STXBP5L: variants seen among roughly 807,000 people sequenced by gnomAD.
STXBP5L encodes the protein syntaxin-binding protein 5-like.
In STXBP5L, 65 loss-of-function variants were observed where a neutral mutation model predicts 144.5. The observed-to-expected ratio is 0.45, with a 90% CI of 0.37 to 0.55. The LOEUF (loss-of-function observed/expected upper bound fraction) is 0.55, where lower values mean the gene tolerates loss of function less well. STXBP5L is among the 20% of genes least tolerant of loss of function. STXBP5L has a pLI of 0.00. For synonymous variants in STXBP5L, 505 were observed against 469.6 expected (o/e 1.08, Z -0.97); for missense variants, 1,298 against 1,405.5 (o/e 0.92, Z 1.22).
chr3:121,018,288 G>A (rs770288830), intron 3 of STXBP5L, among the ~76,000 whole-genome samples: 10 of 152,164 alleles, frequency 6.6e-5, no homozygotes, highest in Non-Finnish European at 1.5e-4. Flanking sequence ...AAGGAGAGCA[G>A]TTGGGAGACT....
At chr3:121,128,343 TAAAG>T (rs2044812918) in intron 7 of STXBP5L, among the ~76,000 whole-genome samples, 1 of 152,004 alleles carries the variant, frequency 6.6e-6, no homozygotes, top group Non-Finnish European at 1.5e-5. Flanking sequence ...GGTATGGTAT[TAAAG>T]AAGGGATCAG....
intron 3 of STXBP5L, among the ~76,000 whole-genome samples, chr3:121,035,980 T>G (rs1946722455): frequency 6.6e-6 from 1 of 152,170 alleles, no homozygotes. Context: ...GGTGCTGTTT[T>G]AAATGAATTT....
chr3:120,980,014 A>C (rs904684912), intron 3 of STXBP5L, among the ~76,000 whole-genome samples: 1 of 152,070 alleles, frequency 6.6e-6, no homozygotes, highest in Non-Finnish European at 1.5e-5. Context: ...TTCAATTTCC[A>C]CATATTTGTA....
intron 5 of STXBP5L, among the ~76,000 whole-genome samples, chr3:121,106,696 A>G (rs924010879): frequency 2.6e-5 from 4 of 152,216 alleles, no homozygotes; most frequent in Non-Finnish European, 4.4e-5. Flanking sequence ...TAGTGCTGTA[A>G]TGAACATATG....
chr3:120,921,958 G>A (rs1709378859), intron 2 of STXBP5L, among the ~76,000 whole-genome samples: 1 of 151,756 alleles, frequency 6.6e-6, no homozygotes, highest in African/African-American at 2.4e-5. Context: ...ATCTTTTGTG[G>A]TTTCATATAA....
At chr3:121,185,264 G>A (rs1577145443) in intron 9 of STXBP5L, among the ~76,000 whole-genome samples, 2 of 152,184 alleles carry the variant, frequency 1.3e-5, no homozygotes, top group Admixed American at 1.3e-4. Context: ...TCACTCTGAT[G>A]GTAGTTTCTT....
At position 121,400,661 on chromosome 3, in the gene STXBP5L, C is replaced by A. The variant is rs1269566768; in HGVS notation, c.2588-6582C>A. Among the ~76,000 whole-genome samples the A allele has an allele frequency of 2.0e-5, 3 of 152,252 alleles. No homozygotes were observed. The East Asian group carries it at 5.8e-4, about 29-fold the overall frequency. On this transcript the variant is annotated intron_variant, in intron 22 of 26. Transcript: ENST00000471454. The stretch of plus-strand genomic sequence containing the variant: ...CCTGTGAAAGTCTGCAGTCATCTTG[C>A]AAGCATTCTCAAGCTGCAAGAGATA...
intron 19 of STXBP5L, among the ~76,000 whole-genome samples, chr3:121,315,788 G>A (rs2043764681): frequency 6.6e-6 from 1 of 151,994 alleles, no homozygotes; most frequent in African/African-American, 2.4e-5. Context: ...GATCACTTGA[G>A]GTCAGGAGTT....
At chr3:121,238,909 C>A in intron 12 of STXBP5L, 62 bp from the exon 13 acceptor site, 2 of 1,413,522 alleles carry the variant, frequency 1.4e-6, no homozygotes, top group South Asian at 3.0e-5. Context: ...CTTACTTTAT[C>A]AAAATTATTT....
intron 20 of STXBP5L, among the ~76,000 whole-genome samples, chr3:121,332,017 G>A (rs1338012496): frequency 6.7e-6 from 1 of 149,900 alleles, no homozygotes; most frequent in Non-Finnish European, 1.5e-5. Flanking sequence ...AGCGCCCAGA[G>A]CCAAATTAGG....
intron 18 of STXBP5L, among the ~76,000 whole-genome samples, chr3:121,264,999 A>C (rs370218908): frequency 6.6e-6 from 1 of 152,308 alleles, no homozygotes; most frequent in East Asian, 1.9e-4. Flanking sequence ...ACAGACAAAG[A>C]AACTCAGACT....
At chr3:121,014,607 CATT>C (rs140948414) in intron 3 of STXBP5L, among the ~76,000 whole-genome samples, 15,060 of 151,904 alleles carry the variant, frequency 0.099, 1,168 homozygotes, top group Admixed American at 0.2. Context: ...GAATACCAAA[CATT>C]AGGTGTCTTA....
At chr3:121,028,320 C>G (rs1319358371) in intron 3 of STXBP5L, among the ~76,000 whole-genome samples, 1 of 151,926 alleles carries the variant, frequency 6.6e-6, no homozygotes, top group African/African-American at 2.4e-5. Context: ...GCAGTATTTT[C>G]TTTTCTCTAG....
intron 5 of STXBP5L, among the ~76,000 whole-genome samples, chr3:121,049,239 C>G (rs902528663): frequency 1.3e-5 from 2 of 152,126 alleles, no homozygotes; most frequent in African/African-American, 4.8e-5. Flanking sequence ...CCCTCCTGAT[C>G]TTGAGGGCAT....
chr3:121,351,921 C>A (rs1343708575), intron 20 of STXBP5L, among the ~76,000 whole-genome samples: 1 of 152,110 alleles, frequency 6.6e-6, no homozygotes, highest in Non-Finnish European at 1.5e-5. Context: ...GTTTTCCCAG[C>A]ACCATTTATT....
chr3:121,324,525 G>T, intron 20 of STXBP5L: 1 of 698,934 alleles, frequency 1.4e-6, no homozygotes, highest in South Asian at 1.5e-5. Flanking sequence ...GTCAGCACTA[G>T]GCTTTTATAG....
intron 3 of STXBP5L, among the ~76,000 whole-genome samples, chr3:120,977,673 T>A (rs1048364886): frequency 6.6e-6 from 1 of 152,194 alleles, no homozygotes. Context: ...GATTTTGCAG[T>A]GGCTGGTACC....
intron 3 of STXBP5L, among the ~76,000 whole-genome samples, chr3:120,989,405 T>TA (rs1942614614): frequency 6.6e-6 from 1 of 152,192 alleles, no homozygotes; most frequent in African/African-American, 2.4e-5. Context: ...TATCTTTTCA[T>TA]ATGTTTATTC....
At chr3:121,171,702 A>G (rs1400797579) in intron 9 of STXBP5L, among the ~76,000 whole-genome samples, 2 of 152,214 alleles carry the variant, frequency 1.3e-5, no homozygotes, top group Non-Finnish European at 2.9e-5. Flanking sequence ...ATAGGAGAGA[A>G]CACAAACAAA....
Sources: allele counts gnomAD v4.1 joint callset (sites outside exome capture counted in the v4.1 genomes callset), GRCh38; gene constraint gnomAD v4.1.1; transcripts MANE v1.5; gene names NCBI Gene and HGNC (gene_info 2026-07-23, HGNC 2026-07-21).